Variants in SUGCT observed in about 807,000 individuals in gnomAD.
SUGCT encodes succinyl-CoA:glutarate CoA-transferase.
SUGCT carries 41 observed loss-of-function variants against 55.0 expected under a neutral mutation model. That is an observed-to-expected ratio of 0.74 (90% CI 0.58 to 0.97). The LOEUF (loss-of-function observed/expected upper bound fraction) is 0.97. SUGCT is among the 50% of genes least tolerant of loss of function. The probability of loss-of-function intolerance (pLI) is 0.00; values close to 1 mark genes in which losing one functional copy is unlikely to be tolerated. For synonymous variants in SUGCT, 187 were observed against 200.4 expected (o/e 0.93, Z 0.56); for missense variants, 568 against 547.8 (o/e 1.04, Z -0.37).
At chr7:40,741,409 T>C (rs947480638) in intron 12 of SUGCT, among the ~76,000 whole-genome samples, 1 of 152,088 alleles carries the variant, frequency 6.6e-6, no homozygotes, top group African/African-American at 2.4e-5. Context: ...ATTAAGGAAA[T>C]GCAAGTTAAA....
intron 11 of SUGCT, among the ~76,000 whole-genome samples, chr7:40,469,846 A>G (rs1258163664): frequency 6.6e-6 from 1 of 152,158 alleles, no homozygotes; most frequent in Admixed American, 6.5e-5. Context: ...GAGGGAGTCC[A>G]GTAAACTCTA....
At chr7:40,497,873 T>C (rs923856474) in intron 12 of SUGCT, among the ~76,000 whole-genome samples, 2 of 151,740 alleles carry the variant, frequency 1.3e-5, no homozygotes, top group African/African-American at 4.8e-5. Flanking sequence ...TATTTAAAAA[T>C]ATATTAAGTA....
chr7:40,585,820 C>T (rs545011523), intron 12 of SUGCT, among the ~76,000 whole-genome samples: 3 of 152,192 alleles, frequency 2.0e-5, no homozygotes, highest in East Asian at 1.9e-4. Context: ...CCTGGGATTA[C>T]AGGTGTGCAC....
chr7:40,503,215 C>T (rs370350865), intron 12 of SUGCT, among the ~76,000 whole-genome samples: 18 of 152,052 alleles, frequency 1.2e-4, no homozygotes, highest in East Asian at 5.8e-4. Flanking sequence ...TATGTAGAGA[C>T]GTAGTCATTC....
At chr7:40,552,445 G>A (rs561525549) in intron 12 of SUGCT, among the ~76,000 whole-genome samples, 3 of 152,186 alleles carry the variant, frequency 2.0e-5, no homozygotes, top group African/African-American at 4.8e-5. Context: ...CTGCACCTGG[G>A]CTCACCCTAC....
At chr7:40,628,084 T>A (rs1194135012) in intron 12 of SUGCT, among the ~76,000 whole-genome samples, 1 of 152,224 alleles carries the variant, frequency 6.6e-6, no homozygotes, top group Non-Finnish European at 1.5e-5. Context: ...GTAATTTTGG[T>A]TGCTGAAATC....
At chr7:40,385,830 C>T (rs1320216683) in intron 9 of SUGCT, among the ~76,000 whole-genome samples, 3 of 152,048 alleles carry the variant, frequency 2.0e-5, no homozygotes, top group Non-Finnish European at 2.9e-5. Flanking sequence ...GACGTGTGGA[C>T]GTTTCTTATA....
At chr7:40,446,862 C>G (rs1788866738) in intron 9 of SUGCT, among the ~76,000 whole-genome samples, 1 of 152,152 alleles carries the variant, frequency 6.6e-6, no homozygotes, top group African/African-American at 2.4e-5. Context: ...CTGGCTAATA[C>G]AGTAGCCACT....
At chr7:40,678,836 G>T (rs1784116481) in intron 12 of SUGCT, among the ~76,000 whole-genome samples, 1 of 152,112 alleles carries the variant, frequency 6.6e-6, no homozygotes, top group South Asian at 2.1e-4. Context: ...TGGTTTGTTT[G>T]CCCTGGGCTT....
intron 9 of SUGCT, among the ~76,000 whole-genome samples, chr7:40,371,927 G>A (rs1784312588): frequency 1.3e-5 from 2 of 150,210 alleles, no homozygotes; most frequent in Admixed American, 6.7e-5. Context: ...TGCTTTGGAT[G>A]TATGTATATA....
chr7:40,307,557 C>G (rs894428110), intron 8 of SUGCT, among the ~76,000 whole-genome samples: 1 of 152,106 alleles, frequency 6.6e-6, no homozygotes, highest in Non-Finnish European at 1.5e-5. Context: ...CTTCAGTTTT[C>G]TCATCTCTAA....
At chr7:40,254,169 C>A (rs1427432337) in intron 7 of SUGCT, among the ~76,000 whole-genome samples, 1 of 152,164 alleles carries the variant, frequency 6.6e-6, no homozygotes, top group Admixed American at 6.5e-5. Flanking sequence ...TATTGGAAAG[C>A]AAAATCTTCA....
chr7:40,887,333 A>G, the SUGCT span, among the ~76,000 whole-genome samples: 1 of 152,204 alleles, frequency 6.6e-6, no homozygotes, highest in Non-Finnish European at 1.5e-5. Context: ...AAAGGTCTGG[A>G]AGCTGGAAAC....
At chr7:40,427,431 T>C (rs1196955210) in intron 9 of SUGCT, among the ~76,000 whole-genome samples, 1 of 152,148 alleles carries the variant, frequency 6.6e-6, no homozygotes, top group African/African-American at 2.4e-5. Context: ...CAATGTCATT[T>C]CCCCCTTAAC....
chr7:40,296,465 T>C (rs1299041279), intron 8 of SUGCT, among the ~76,000 whole-genome samples: 13 of 152,184 alleles, frequency 8.5e-5, no homozygotes, highest in Non-Finnish European at 1.5e-4. Flanking sequence ...TAATAGCACG[T>C]GTTACTTGTT....
At chr7:40,588,285 GGTTA>G (rs1797514019) in intron 12 of SUGCT, among the ~76,000 whole-genome samples, 1 of 151,652 alleles carries the variant, frequency 6.6e-6, no homozygotes, top group African/African-American at 2.4e-5. Context: ...ACATTGTGCA[GGTTA>G]GTTACATATG....
the SUGCT span, among the ~76,000 whole-genome samples, chr7:40,914,313 A>C: frequency 7.1e-6 from 1 of 139,962 alleles, no homozygotes; most frequent in Non-Finnish European, 1.5e-5. Flanking sequence ...GTTTTAGGGT[A>C]CATGTGCACA....
intron 8 of SUGCT, among the ~76,000 whole-genome samples, chr7:40,308,248 G>A (rs1794941944): frequency 6.6e-6 from 1 of 152,174 alleles, no homozygotes; most frequent in Non-Finnish European, 1.5e-5. Flanking sequence ...GGGGCAGGGA[G>A]CAGAAAGGCT....
intron 13 of SUGCT, among the ~76,000 whole-genome samples, chr7:40,783,170 G>C (rs1789843612): frequency 6.6e-6 from 1 of 152,160 alleles, no homozygotes; most frequent in South Asian, 2.1e-4. Context: ...ACTCTGGGTA[G>C]TCACAACATC....
Sources: allele counts gnomAD v4.1 joint callset (sites outside exome capture counted in the v4.1 genomes callset), GRCh38; gene constraint gnomAD v4.1.1; transcripts MANE v1.5; gene names NCBI Gene and HGNC (gene_info 2026-07-23, HGNC 2026-07-21).